PALM2AKAP2: variants seen among roughly 807,000 people sequenced by gnomAD.
PALM2AKAP2 encodes the protein PALM2 and AKAP2 fusion, also known as PALM2-AKAP2 fusion protein.
Under a neutral mutation model 71.5 loss-of-function variants are expected in PALM2AKAP2, and 37 were observed. The ratio of observed to expected loss-of-function variants is 0.52; its 90% confidence interval spans 0.40 to 0.68. The LOEUF (loss-of-function observed/expected upper bound fraction) is 0.68. Ranked by LOEUF, PALM2AKAP2 falls within the 30% of genes least tolerant of loss-of-function variation. PALM2AKAP2 has a pLI of 0.00. For synonymous variants in PALM2AKAP2, 468 were observed against 478.8 expected (o/e 0.98, Z 0.29); for missense variants, 1,224 against 1,191.8 (o/e 1.03, Z -0.40).
At chr9:110,026,665 A>G (rs920749720) in intron 7 of PALM2AKAP2, among the ~76,000 whole-genome samples, 1 of 152,064 alleles carries the variant, frequency 6.6e-6, no homozygotes, top group African/African-American at 2.4e-5. Context: ...CCTGTCAACC[A>G]CCTAAATGTT....
intron 1 of PALM2AKAP2, among the ~76,000 whole-genome samples, chr9:109,863,491 T>C (rs1033247651): frequency 2.0e-5 from 3 of 152,128 alleles, no homozygotes; most frequent in Non-Finnish European, 4.4e-5. Context: ...TGACTATGAA[T>C]AGTTGGCAGT....
At chr9:110,092,291 C>CA (rs113742731) in intron 1 of PALM2AKAP2, among the ~76,000 whole-genome samples, 1,727 of 152,102 alleles carry the variant, frequency 0.011, 34 homozygotes, top group African/African-American at 0.039. Context: ...GAGATTGTGC[C>CA]ACCGCATTCC....
chr9:110,037,329 C>T lies in PALM2AKAP2; in HGVS notation c.582+21290C>T, dbSNP rs1833430193. On this transcript the variant is annotated intron_variant, in intron 7 of 9. Coordinates refer to the PALM2AKAP2 transcript ENST00000302798. ...TCAAGCAATTCTCCTGCCTCAGCCT[C>T]CCGAGTAGCTGGGATTACAGACATG... Among the ~76,000 whole-genome samples the T allele has an allele frequency of 2.0e-5, 3 of 152,298 alleles. No homozygotes were observed. The South Asian group carries it at 6.2e-4, about 32-fold the overall frequency.
intron 1 of PALM2AKAP2, among the ~76,000 whole-genome samples, chr9:110,063,713 G>A (rs10816921): frequency 0.19 from 28,775 of 151,992 alleles, 3,586 homozygotes; most frequent in East Asian, 0.39. Flanking sequence ...CAAACTGCTG[G>A]GATTACAGGC....
chr9:109,968,271 G>A (rs1467665395), intron 6 of PALM2AKAP2, among the ~76,000 whole-genome samples: 2 of 152,136 alleles, frequency 1.3e-5, no homozygotes, highest in Admixed American at 6.5e-5. Context: ...AGGCCCTCGC[G>A]TACCCCATAG....
chr9:110,011,887 A>G (rs1485560013), intron 6 of PALM2AKAP2, among the ~76,000 whole-genome samples: 1 of 152,044 alleles, frequency 6.6e-6, no homozygotes, highest in Non-Finnish European at 1.5e-5. Context: ...CTCTAGCACA[A>G]GATACTGGTG....
At chr9:109,682,956 G>C (rs1217449065) in intron 1 of PALM2AKAP2, among the ~76,000 whole-genome samples, 1 of 152,144 alleles carries the variant, frequency 6.6e-6, no homozygotes, top group Non-Finnish European at 1.5e-5. Flanking sequence ...GTAGGACCTG[G>C]TAGGAGGTGA....
intron 1 of PALM2AKAP2, among the ~76,000 whole-genome samples, chr9:109,731,572 C>T (rs920156060): frequency 1.3e-5 from 2 of 152,084 alleles, no homozygotes; most frequent in Admixed American, 6.6e-5. Context: ...GCCTGATTAT[C>T]TTTTACCTCA....
intron 6 of PALM2AKAP2, among the ~76,000 whole-genome samples, chr9:109,957,228 C>G (rs1831763828): frequency 6.6e-6 from 1 of 152,194 alleles, no homozygotes; most frequent in Non-Finnish European, 1.5e-5. Flanking sequence ...TGATTGGGCT[C>G]TTGCTGAGTT....
chr9:109,749,056 G>A (rs1397119458), intron 1 of PALM2AKAP2, among the ~76,000 whole-genome samples: 1 of 152,126 alleles, frequency 6.6e-6, no homozygotes, highest in African/African-American at 2.4e-5. Context: ...GATGAATTTT[G>A]GGAGGACACA....
In PALM2AKAP2 at chr9:110,081,485, C is replaced by T. The variant is rs116777911; in HGVS notation, c.156+32630C>T. Among the ~76,000 whole-genome samples the T allele has an allele frequency of 6.1e-3, 923 of 152,176 alleles. 11 individuals carry two copies. The highest frequency in any genetic ancestry group is 0.021 in the African/African-American group (856 of 41,522). ...TCTGTGTTTCTTAGTGGATTATGTT[C>T]TTAAAATAGAACATACCACATTACT... is the stretch of plus-strand genomic sequence containing the variant. On this transcript the variant is annotated intron_variant, in intron 1 of 3. Coordinates refer to ENST00000374525, the Ensembl canonical transcript of PALM2AKAP2.
intron 3 of PALM2AKAP2, among the ~76,000 whole-genome samples, chr9:110,165,328 ACG>A (rs1288994936): frequency 7.0e-6 from 1 of 141,968 alleles, no homozygotes; most frequent in Non-Finnish European, 1.5e-5. Flanking sequence ...ACACACACAC[ACG>A]TCTGAATTAA....
At chr9:109,855,755 T>C (rs761417968) in intron 1 of PALM2AKAP2, among the ~76,000 whole-genome samples, 2 of 152,192 alleles carry the variant, frequency 1.3e-5, no homozygotes, top group South Asian at 2.1e-4. Context: ...TCTTTCCTTA[T>C]AGACAAGTGG....
chr9:109,802,010 AT>A (rs1827445100), intron 1 of PALM2AKAP2, among the ~76,000 whole-genome samples: 1 of 152,226 alleles, frequency 6.6e-6, no homozygotes, highest in South Asian at 2.1e-4. Flanking sequence ...ACAAAATGCC[AT>A]TGAACAACCC....
intron 7 of PALM2AKAP2, among the ~76,000 whole-genome samples, chr9:110,039,231 AGAGT>A (rs1185381558): frequency 2.4e-4 from 36 of 152,352 alleles, no homozygotes; most frequent in African/African-American, 8.7e-4. Flanking sequence ...CCATAGTGAC[AGAGT>A]GAGACCCTCT....
intron 1 of PALM2AKAP2, among the ~76,000 whole-genome samples, chr9:109,670,049 C>T (rs1827551452): frequency 1.3e-5 from 2 of 151,960 alleles, no homozygotes; most frequent in South Asian, 2.1e-4. Context: ...CTTTTAAGTA[C>T]ATTAGATGCA....
intron 1 of PALM2AKAP2, among the ~76,000 whole-genome samples, chr9:110,094,355 A>AG (rs1476662651): frequency 6.6e-6 from 1 of 152,212 alleles, no homozygotes; most frequent in Non-Finnish European, 1.5e-5. Flanking sequence ...TCTTTGCGCT[A>AG]GGTAGCCTTA....
chr9:109,698,311 T>C (rs2014647), intron 1 of PALM2AKAP2, among the ~76,000 whole-genome samples: 109,261 of 145,110 alleles, frequency 0.75, 41,849 homozygotes, highest in African/African-American at 0.89. Context: ...GAGTTTCGCT[T>C]TTGTCACCCA....
intron 1 of PALM2AKAP2, among the ~76,000 whole-genome samples, chr9:109,717,640 G>A (rs1828345661): frequency 6.6e-6 from 1 of 152,236 alleles, no homozygotes; most frequent in Admixed American, 6.5e-5. Context: ...TTATGAAAAG[G>A]TGCGGATAGG....
Sources: allele counts gnomAD v4.1 joint callset (sites outside exome capture counted in the v4.1 genomes callset), GRCh38; gene constraint gnomAD v4.1.1; transcripts MANE v1.5; gene names NCBI Gene and HGNC (gene_info 2026-07-23, HGNC 2026-07-21).